The following ATP10B variants were observed in gnomAD, a reference collection of about 807,000 sequenced individuals.
ATP10B encodes the protein phospholipid-transporting ATPase VB.
A neutral mutation model predicts 141.2 loss-of-function variants in ATP10B; 122 were observed. The ratio of observed to expected loss-of-function variants is 0.86; its 90% CI spans 0.75 to 1.00. ATP10B has a LOEUF of 1.00. Among genes scored for constraint, ATP10B ranks in the 50% least tolerant of loss-of-function variants. The pLI is 0.00. For missense variants in ATP10B, 1,876 were observed against 1,825.3 expected, an observed-to-expected ratio of 1.03 and a Z score of -0.51; for synonymous variants, 685 against 692.0, an observed-to-expected ratio of 0.99 and a Z score of 0.16.
intron 1 of ATP10B, among the ~76,000 whole-genome samples, chr5:160,840,347 T>A (rs1367904482): frequency 6.6e-6 from 1 of 151,960 alleles, no homozygotes; most frequent in Non-Finnish European, 1.5e-5. Context: ...CTGTAAAGAC[T>A]ATAATTAAAA....
At chr5:160,591,244 A>G (rs988522116) in intron 22 of ATP10B, 105 bp from the exon 23 acceptor site, 9 of 815,580 alleles carry the variant, frequency 1.1e-5, no homozygotes, top group Non-Finnish European at 1.6e-5. Context: ...AGACGCATAC[A>G]ATGCCTCTTG....
chr5:160,668,360 AGTGT>A (rs10554825), intron 7 of ATP10B, among the ~76,000 whole-genome samples: 124,086 of 151,616 alleles, frequency 0.82, 51,085 homozygotes, highest in South Asian at 0.88. Flanking sequence ...AGCATGTGTG[AGTGT>A]GTGTGTATCT....
intron 24 of ATP10B, among the ~76,000 whole-genome samples, chr5:160,581,315 C>T (rs1319280474): frequency 6.6e-6 from 1 of 152,206 alleles, no homozygotes; most frequent in African/African-American, 2.4e-5. Context: ...CTAAACACTG[C>T]TTTAGCTGTG....
At chr5:160,626,400 A>G (rs897111999) in intron 13 of ATP10B, among the ~76,000 whole-genome samples, 10 of 152,328 alleles carry the variant, frequency 6.6e-5, no homozygotes, top group African/African-American at 2.4e-4. Flanking sequence ...GCACTGGGCT[A>G]AGTGCGCTCA....
At chr5:160,717,088 T>C (rs1315759215) in intron 2 of ATP10B, 54 bp from the exon 3 acceptor site, 1 of 972,410 alleles carries the variant, frequency 1.0e-6, no homozygotes, top group South Asian at 4.7e-5. Flanking sequence ...CAGTTATAAA[T>C]GCTATTTATA....
At chr5:160,673,953 T>C (rs998054932) in intron 6 of ATP10B, among the ~76,000 whole-genome samples, 4 of 152,234 alleles carry the variant, frequency 2.6e-5, no homozygotes, top group South Asian at 2.1e-4. Context: ...TTAAATATTA[T>C]AGCAAAATTG....
intron 2 of ATP10B, among the ~76,000 whole-genome samples, chr5:160,751,813 A>T (rs146366862): frequency 5.3e-4 from 81 of 152,294 alleles, no homozygotes; most frequent in African/African-American, 1.7e-3. Context: ...ATGCACATGG[A>T]TGTGTGCGTG....
Position 160,589,463 on chromosome 5 carries a change from C to A in ATP10B, c.3750+129G>T, listed in dbSNP as rs773100559. On this transcript the variant is annotated intron_variant, in intron 24 of 25. Transcript: ENST00000327245. ...CCCTTTCATCCCTGTACAGGTAGGACATAGGGTAGGAGCTTAGTATGTATT... is the reference window on the plus strand; with the variant it reads ...CCCTTTCATCCCTGTACAGGTAGGAAATAGGGTAGGAGCTTAGTATGTATT... 4 of 725,490 alleles carry A rather than the reference C, an allele frequency of 5.5e-6. No individual in the cohort carries two copies. In the East Asian group the frequency reaches 1.1e-4, roughly 19 times the overall value. The allele number at this position is 725,490 out of a possible 1,614,324, so 44.9% of individuals were successfully genotyped here. A position where few individuals can be genotyped will look rare whatever the true frequency, so the allele number is the denominator to read the frequency against.
intron 1 of ATP10B, among the ~76,000 whole-genome samples, chr5:160,809,623 A>T (rs1181415715): frequency 6.6e-6 from 1 of 152,178 alleles, no homozygotes; most frequent in Non-Finnish European, 1.5e-5. Context: ...GGTGCTATAG[A>T]ATATTGAAAC....
chr5:160,621,501 T>A (rs967518358), intron 14 of ATP10B, among the ~76,000 whole-genome samples: 3 of 152,224 alleles, frequency 2.0e-5, no homozygotes, highest in Non-Finnish European at 2.9e-5. Context: ...CAAATGGTAC[T>A]TCTTCCCCTC....
At chr5:160,902,775 A>G in the ATP10B span, among the ~76,000 whole-genome samples, 1 of 152,228 alleles carries the variant, frequency 6.6e-6, no homozygotes, top group Middle Eastern at 3.2e-3. Flanking sequence ...TTAACAAGTG[A>G]CTGATTAATA....
intron 2 of ATP10B, among the ~76,000 whole-genome samples, chr5:160,744,871 G>C (rs1470928883): frequency 6.6e-6 from 1 of 152,186 alleles, no homozygotes; most frequent in African/African-American, 2.4e-5. Flanking sequence ...TCTGCTGTCA[G>C]CTCCCATTTG....
chr5:160,918,020 C>T, the ATP10B span, among the ~76,000 whole-genome samples: 2 of 152,354 alleles, frequency 1.3e-5, no homozygotes, highest in African/African-American at 4.8e-5. Flanking sequence ...GAGGAACATC[C>T]TCATAGGACC....
In ATP10B at chr5:160,839,072, T is replaced by C. The variant is rs971520795; in HGVS notation, c.-576+12869A>G. 3.9e-5 allele frequency among the ~76,000 whole-genome samples: 6 copies of C among 152,186 alleles called. No homozygotes were observed. In the East Asian group the frequency reaches 9.6e-4, roughly 24 times the overall value. On this transcript the variant is annotated intron_variant, in intron 1 of 25. Transcript: ENST00000327245. ...AGAAGCTGAGTAGATGTTGGTGCCA[T>C]GCTTGTACAGCCTGCAGAACCATAC...
At chr5:160,570,530 G>A (rs1331155945) in intron 24 of ATP10B, among the ~76,000 whole-genome samples, 1 of 152,136 alleles carries the variant, frequency 6.6e-6, no homozygotes, top group Non-Finnish European at 1.5e-5. Flanking sequence ...CTTACAACTA[G>A]TTTTCCATCC....
the ATP10B span, among the ~76,000 whole-genome samples, chr5:160,904,361 C>CA: frequency 3.9e-5 from 6 of 152,068 alleles, no homozygotes; most frequent in Non-Finnish European, 7.4e-5. Flanking sequence ...CATTATAGGG[C>CA]AACTGTGAGG....
Position 160,620,636 on chromosome 5 carries a change from G to T in ATP10B, c.2127C>A (p.Asp709Glu), listed in dbSNP as rs535143119. Reference protein sequence around the residue: ...LEEALEAPATDLARPEFCYEA... With the variant: ...LEEALEAPATELARPEFCYEA... ...CGTAACAGAACTCAGGCCTGGCCAG[G>T]TCTGTGGCTGGGGCCTCCAATGCCT... Residue 709 changes from aspartate (D) to glutamate (E), a missense_variant, in exon 15 of 26, where the codon GAC (aspartate) becomes GAA (glutamate). Transcript: ENST00000327245. 6.2e-7 allele frequency: 1 copy of T among 1,613,718 alleles called. No homozygotes were observed. Among genetic ancestry groups the T allele is most frequent in the Non-Finnish European group, 8.5e-7 (1 of 1,179,634 alleles).
intron 10 of ATP10B, among the ~76,000 whole-genome samples, chr5:160,636,621 A>G (rs1177152211): frequency 1.3e-5 from 2 of 152,122 alleles, no homozygotes; most frequent in Non-Finnish European, 2.9e-5. Context: ...AGAGAAAGAA[A>G]TACTTGTTCT....
chr5:160,659,578 A>T (rs1761769799), intron 7 of ATP10B, among the ~76,000 whole-genome samples: 1 of 152,140 alleles, frequency 6.6e-6, no homozygotes. Context: ...TTCAATAGAA[A>T]TGTGAAAATA....
Sources: allele counts gnomAD v4.1 joint callset (sites outside exome capture counted in the v4.1 genomes callset), GRCh38; gene constraint gnomAD v4.1.1; transcripts MANE v1.5; gene names NCBI Gene and HGNC (gene_info 2026-07-23, HGNC 2026-07-21).